Variants in RYR2 observed in about 807,000 individuals in gnomAD.
RYR2 encodes the protein ryanodine receptor 2.
Under a neutral mutation model 601.1 loss-of-function variants are expected in RYR2, and 227 were observed. That is an observed-to-expected ratio of 0.38 (90% CI 0.34 to 0.42). The LOEUF is 0.42. Ranked by LOEUF, RYR2 falls within the 10% of genes least tolerant of loss-of-function variation. The pLI is 1.00. For missense variants in RYR2, 4,646 were observed against 6,156.5 expected (o/e 0.75, Z 8.21); for synonymous variants, 2,223 against 2,175.1 (o/e 1.02, Z -0.61).
intron 1 of RYR2, among the ~76,000 whole-genome samples, chr1:237,206,155 C>T (rs369498217): frequency 3.9e-5 from 6 of 152,134 alleles, no homozygotes; most frequent in South Asian, 4.2e-4. Flanking sequence ...CCTAGGGCTC[C>T]AGCCACAGTC....
chr1:237,319,705 G>A (rs931291207), intron 2 of RYR2, among the ~76,000 whole-genome samples: 4 of 152,142 alleles, frequency 2.6e-5, no homozygotes, highest in African/African-American at 9.7e-5. Flanking sequence ...CAGCCAACCT[G>A]TCCGTGGATA....
intron 12 of RYR2, among the ~76,000 whole-genome samples, chr1:237,437,253 C>T (rs1044002222): frequency 2.0e-5 from 3 of 151,882 alleles, no homozygotes; most frequent in South Asian, 2.1e-4. Context: ...GGGGTTTCAC[C>T]GTGTTAGCCA....
At chr1:237,477,049 TA>T (rs1661486262) in intron 17 of RYR2, among the ~76,000 whole-genome samples, 1 of 152,150 alleles carries the variant, frequency 6.6e-6, no homozygotes, top group Admixed American at 6.5e-5. Context: ...TCTTGTCTCG[TA>T]AAACCCACCA....
intron 63 of RYR2, among the ~76,000 whole-genome samples, chr1:237,691,535 T>G (rs971208886): frequency 6.6e-6 from 1 of 152,218 alleles, no homozygotes; most frequent in African/African-American, 2.4e-5. Context: ...ATATTTTTTG[T>G]TATCTACTTT....
At chr1:237,686,852 C>T (rs1686437013) in intron 62 of RYR2, among the ~76,000 whole-genome samples, 1 of 152,150 alleles carries the variant, frequency 6.6e-6, no homozygotes, top group Admixed American at 6.5e-5. Context: ...ATGCTTTCCT[C>T]TGAGTGATTA....
At chr1:237,149,659 G>A (rs949103134) in intron 1 of RYR2, among the ~76,000 whole-genome samples, 1 of 151,622 alleles carries the variant, frequency 6.6e-6, no homozygotes, top group Non-Finnish European at 1.5e-5. Context: ...CCACACACCT[G>A]TTATACATTA....
intron 12 of RYR2, among the ~76,000 whole-genome samples, chr1:237,426,716 A>C (rs981720010): frequency 6.6e-6 from 1 of 152,192 alleles, no homozygotes. Context: ...GAACCGGTAC[A>C]TCACAGTGGA....
At chr1:237,523,519 G>T (rs2147877970) in intron 24 of RYR2, among the ~76,000 whole-genome samples, 1 of 152,268 alleles carries the variant, frequency 6.6e-6, no homozygotes, top group East Asian at 1.9e-4. Flanking sequence ...TGGCTCACTT[G>T]AGGTCTGAAG....
At chr1:237,400,248 T>A (rs1197050530) in intron 10 of RYR2, among the ~76,000 whole-genome samples, 1 of 152,194 alleles carries the variant, frequency 6.6e-6, no homozygotes, top group Non-Finnish European at 1.5e-5. Flanking sequence ...TTTAAGGCAT[T>A]CATAGAGACT....
At chr1:237,680,015 G>C (rs1246105717) in intron 61 of RYR2, among the ~76,000 whole-genome samples, 1 of 152,134 alleles carries the variant, frequency 6.6e-6, no homozygotes, top group South Asian at 2.1e-4. Flanking sequence ...TGTGACCTTC[G>C]GTAAGTCACA....
intron 17 of RYR2, among the ~76,000 whole-genome samples, chr1:237,488,980 T>G (rs1663021310): frequency 6.6e-6 from 1 of 152,164 alleles, no homozygotes; most frequent in African/African-American, 2.4e-5. Context: ...AGCCAGATAG[T>G]TACTATTACA....
chr1:237,487,037 A>T (rs2150389650), intron 17 of RYR2, among the ~76,000 whole-genome samples: 1 of 152,214 alleles, frequency 6.6e-6, no homozygotes. Flanking sequence ...GTTAGTTGAA[A>T]TTTTTTTAAG....
At chr1:237,190,434 C>T (rs182542429) in intron 1 of RYR2, among the ~76,000 whole-genome samples, 4 of 152,178 alleles carry the variant, frequency 2.6e-5, no homozygotes, top group Admixed American at 2.6e-4. Context: ...AGTCCTTTGC[C>T]CATTTCAAAA....
chr1:237,510,648 G>A (rs560355859), intron 23 of RYR2, among the ~76,000 whole-genome samples: 1 of 152,240 alleles, frequency 6.6e-6, no homozygotes, highest in Non-Finnish European at 1.5e-5. Flanking sequence ...TCATGTTTCT[G>A]TCCTTCTCAT....
intron 19 of RYR2, among the ~76,000 whole-genome samples, chr1:237,494,615 C>A (rs1277673235): frequency 6.6e-6 from 1 of 152,162 alleles, no homozygotes; most frequent in Non-Finnish European, 1.5e-5. Flanking sequence ...CAGTATGAAC[C>A]ATCACATCCC....
At chr1:237,046,460 C>T (rs778798502) in intron 1 of RYR2, among the ~76,000 whole-genome samples, 64 of 152,168 alleles carry the variant, frequency 4.2e-4, no homozygotes, top group Non-Finnish European at 6.6e-4. Flanking sequence ...AGTGGAAATT[C>T]GCACTTTTTG....
intron 80 of RYR2, among the ~76,000 whole-genome samples, chr1:237,750,500 T>G (rs1482049658): frequency 1.3e-5 from 2 of 150,896 alleles, no homozygotes; most frequent in East Asian, 3.9e-4. Flanking sequence ...TATAATGAAC[T>G]TTATATAATT....
chr1:237,432,049 A>T (rs1041875988), intron 12 of RYR2, among the ~76,000 whole-genome samples: 2 of 152,054 alleles, frequency 1.3e-5, no homozygotes, highest in Non-Finnish European at 2.9e-5. Flanking sequence ...ATGATTTAGT[A>T]TTCCCATGAA....
chr1:237,051,042 T>G (rs1657351850), intron 1 of RYR2, among the ~76,000 whole-genome samples: 1 of 152,198 alleles, frequency 6.6e-6, no homozygotes, highest in Admixed American at 6.5e-5. Flanking sequence ...TTGACTGTGG[T>G]GTAGAATTCA....
Sources: gnomAD v4.1 joint callset for allele counts (sites outside exome capture counted in the v4.1 genomes callset) on GRCh38, gnomAD v4.1.1 for gene constraint, MANE v1.5 for transcripts, NCBI Gene and HGNC (gene_info 2026-07-23, HGNC 2026-07-21) for gene names.